CDH8: variants seen among roughly 807,000 people sequenced by gnomAD.
The protein encoded by CDH8 is cadherin-8.
In CDH8, 17 loss-of-function variants were observed where a neutral mutation model predicts 68.1. The ratio of observed to expected loss-of-function variants is 0.25; its 90% CI spans 0.17 to 0.37. The LOEUF (loss-of-function observed/expected upper bound fraction) is 0.37. Among genes scored for constraint, CDH8 ranks in the 10% least tolerant of loss-of-function variants. CDH8 has a pLI of 1.00. For missense variants in CDH8, 763 were observed against 999.3 expected, an observed-to-expected ratio of 0.76 and a Z score of 3.19; for synonymous variants, 372 against 365.1, an observed-to-expected ratio of 1.02 and a Z score of -0.21.
chr16:61,780,612 G>A (rs1248803044), intron 8 of CDH8, among the ~76,000 whole-genome samples: 3 of 152,130 alleles, frequency 2.0e-5, no homozygotes, highest in Non-Finnish European at 2.9e-5. Flanking sequence ...CCCCCTATGG[G>A]GTTCTGCTAT....
chr16:61,651,011 T>C lies in CDH8; in HGVS notation c.*2597A>G, dbSNP rs1963311034. On this transcript the variant is annotated 3_prime_UTR_variant, in exon 12 of 12. Transcript: ENST00000577390. ...TATCTCCTGCTCACAGAAACCACTGTACGAAGATTATCCTGTTGATTACCA... is the reference window on the plus strand; with the variant it reads ...TATCTCCTGCTCACAGAAACCACTGCACGAAGATTATCCTGTTGATTACCA... 1 of 152,132 alleles carries C rather than the reference T, an allele frequency of 6.6e-6. No individual in the cohort carries two copies. The highest frequency in any genetic ancestry group is 2.4e-5 in the African/African-American group (1 of 41,412). 9.4% of individuals were successfully genotyped at this position (152,132 alleles called of 1,614,324 possible).
intron 2 of CDH8, among the ~76,000 whole-genome samples, chr16:61,963,638 A>G (rs1480172449): frequency 6.6e-6 from 1 of 152,192 alleles, no homozygotes; most frequent in African/African-American, 2.4e-5. Flanking sequence ...CCATTGTGAT[A>G]AGGACTGAAA....
intron 6 of CDH8, among the ~76,000 whole-genome samples, chr16:61,820,405 T>C (rs1319259394): frequency 2.7e-5 from 4 of 149,316 alleles, no homozygotes; most frequent in African/African-American, 9.9e-5. Flanking sequence ...GGGGAAGATA[T>C]TTCAGGAAGC....
At position 61,913,790 on chromosome 16, in the gene CDH8, A is replaced by G. The variant is rs184323800; in HGVS notation, c.253-12317T>C. On this transcript the variant is annotated intron_variant, in intron 2 of 11. Transcript: ENST00000577390. ...ATAAATAAAACTGTTGGAAATATGT[A>G]TAACTCCTACATTAATAATAATATT... 6.0e-3 allele frequency among the ~76,000 whole-genome samples: 921 copies of G among 152,298 alleles called. 8 individuals are homozygous for G. Among genetic ancestry groups the G allele is most frequent in the Non-Finnish European group, 8.1e-3 (553 of 68,018 alleles).
At chr16:61,709,161 C>T (rs111460304) in intron 10 of CDH8, among the ~76,000 whole-genome samples, 59 of 152,040 alleles carry the variant, frequency 3.9e-4, no homozygotes, top group African/African-American at 1.3e-3. Flanking sequence ...TTTAGGAAAG[C>T]CTTCTGTTGG....
chr16:61,674,944 C>CAA (rs576278729), intron 10 of CDH8, among the ~76,000 whole-genome samples: 4 of 95,496 alleles, frequency 4.2e-5, no homozygotes, highest in Non-Finnish European at 8.8e-5. Context: ...GAACAGAAAG[C>CAA]AAAAAAAAAA....
chr16:61,735,651 A>G (rs575743866), intron 8 of CDH8, among the ~76,000 whole-genome samples: 1 of 152,300 alleles, frequency 6.6e-6, no homozygotes, highest in South Asian at 2.1e-4. Flanking sequence ...TTATCCTACA[A>G]GTTACTCATT....
chr16:61,986,442 T>C (rs930998175), intron 2 of CDH8, among the ~76,000 whole-genome samples: 3 of 152,138 alleles, frequency 2.0e-5, no homozygotes, highest in African/African-American at 2.4e-5. Context: ...TACCTGGTGA[T>C]AAGAAACTCC....
At chr16:61,795,488 C>T (rs929721974) in intron 7 of CDH8, among the ~76,000 whole-genome samples, 1 of 152,024 alleles carries the variant, frequency 6.6e-6, no homozygotes, top group African/African-American at 2.4e-5. Context: ...CTCAGATGTT[C>T]ATCTATAAAT....
At chr16:61,995,970 T>C (rs1965799540) in intron 2 of CDH8, among the ~76,000 whole-genome samples, 1 of 152,182 alleles carries the variant, frequency 6.6e-6, no homozygotes. Context: ...CTGATCCTAA[T>C]CCTATGTGAA....
At chr16:61,897,733 C>T (rs1026551930) in intron 3 of CDH8, among the ~76,000 whole-genome samples, 4 of 152,112 alleles carry the variant, frequency 2.6e-5, no homozygotes, top group African/African-American at 9.7e-5. Context: ...TTCATCAAAA[C>T]CATCTTACTC....
intron 8 of CDH8, among the ~76,000 whole-genome samples, chr16:61,780,606 C>G (rs1300477929): frequency 1.3e-5 from 2 of 152,252 alleles, no homozygotes; most frequent in African/African-American, 4.8e-5. Context: ...GAACCTCCCC[C>G]TATGGGGTTC....
At chr16:62,032,064 C>T (rs769563741) in intron 1 of CDH8, 11 of 152,138 alleles carry the variant, frequency 7.2e-5, no homozygotes, top group Non-Finnish European at 1.6e-4. Context: ...TAATTAAGCC[C>T]TGCTAAATCG....
At chr16:61,718,408 A>C (rs1959194558) in intron 9 of CDH8, among the ~76,000 whole-genome samples, 1 of 151,466 alleles carries the variant, frequency 6.6e-6, no homozygotes, top group South Asian at 2.1e-4. Context: ...AATAATGAAC[A>C]GCATGGTATC....
intron 10 of CDH8, chr16:61,692,567 G>GTT (rs5817304): frequency 0.21 from 30,366 of 143,754 alleles, 3,495 homozygotes; most frequent in Middle Eastern, 0.29. Flanking sequence ...AGAGTTGTGG[G>GTT]TTTTTTTTTT....
chr16:62,004,246 A>T (rs576364759), intron 2 of CDH8, among the ~76,000 whole-genome samples: 2 of 152,218 alleles, frequency 1.3e-5, no homozygotes, highest in Non-Finnish European at 2.9e-5. Flanking sequence ...GACAAATCTT[A>T]CATAGTACCT....
At chr16:61,720,754 T>A (rs2142880981) in intron 9 of CDH8, among the ~76,000 whole-genome samples, 1 of 151,002 alleles carries the variant, frequency 6.6e-6, no homozygotes, top group African/African-American at 2.4e-5. Flanking sequence ...CAGGAATAGT[T>A]ATTCCAATAT....
At chr16:61,963,484 C>G (rs1965193213) in intron 2 of CDH8, among the ~76,000 whole-genome samples, 1 of 152,128 alleles carries the variant, frequency 6.6e-6, no homozygotes, top group Admixed American at 6.5e-5. Flanking sequence ...TCAATGAAAA[C>G]AAAGCAATGT....
At chr16:61,772,530 A>G (rs1960803299) in intron 8 of CDH8, among the ~76,000 whole-genome samples, 1 of 152,018 alleles carries the variant, frequency 6.6e-6, no homozygotes, top group Admixed American at 6.6e-5. Context: ...AGGGTTAAAA[A>G]CCGGCCTAGC....
Sources: gnomAD v4.1 joint callset for allele counts (sites outside exome capture counted in the v4.1 genomes callset) on GRCh38, gnomAD v4.1.1 for gene constraint, MANE v1.5 for transcripts, NCBI Gene and HGNC (gene_info 2026-07-23, HGNC 2026-07-21) for gene names.